The following LTBP1 variants were observed in gnomAD, a reference collection of about 807,000 sequenced individuals.
LTBP1 encodes the protein latent transforming growth factor beta binding protein 1, also known as latent-transforming growth factor beta-binding protein 1.
In LTBP1, 129 loss-of-function variants were observed where a neutral mutation model predicts 207.6. The observed-to-expected ratio is 0.62, with a 90% CI of 0.54 to 0.72. The LOEUF is 0.72. Among genes scored for constraint, LTBP1 ranks in the 30% least tolerant of loss-of-function variants. LTBP1 has a pLI of 0.00. For synonymous variants in LTBP1, 963 were observed against 833.7 expected (o/e 1.16, Z -2.67); for missense variants, 2,281 against 2,217.2 (o/e 1.03, Z -0.58).
chr2:33,168,566 T>G (rs2085139886), intron 5 of LTBP1, among the ~76,000 whole-genome samples: 1 of 152,152 alleles, frequency 6.6e-6, no homozygotes, highest in Admixed American at 6.5e-5. Context: ...CAATCAGTAT[T>G]TGGGATTGTG....
At chr2:33,029,954 A>T (rs2075614869) in intron 3 of LTBP1, among the ~76,000 whole-genome samples, 1 of 152,204 alleles carries the variant, frequency 6.6e-6, no homozygotes, top group Non-Finnish European at 1.5e-5. Context: ...GTCAGTTACC[A>T]ATATAGAGAG....
At chr2:33,032,378 T>C (rs1248031544) in intron 3 of LTBP1, among the ~76,000 whole-genome samples, 2 of 152,236 alleles carry the variant, frequency 1.3e-5, no homozygotes, top group Admixed American at 6.5e-5. Flanking sequence ...CTTTGTTGGC[T>C]TTATAGCTTT....
intron 19 of LTBP1, among the ~76,000 whole-genome samples, chr2:33,287,664 C>T (rs1326854269): frequency 1.3e-5 from 2 of 152,316 alleles, no homozygotes; most frequent in African/African-American, 4.8e-5. Context: ...CTGAGATCAT[C>T]CTTGGCTCTT....
chr2:33,360,461 A>G, intron 26 of LTBP1, 136 bp from the exon 27 acceptor site: 1 of 552,086 alleles, frequency 1.8e-6, no homozygotes. Context: ...AGAATCTGAC[A>G]CTGAAAGTGG....
chr2:33,052,849 C>T (rs1405600441), intron 3 of LTBP1, among the ~76,000 whole-genome samples: 1 of 150,150 alleles, frequency 6.7e-6, no homozygotes, highest in Non-Finnish European at 1.5e-5. Flanking sequence ...CAGGTTGACT[C>T]CCGGATCAAA....
chr2:32,969,447 G>A (rs1680530475), intron 2 of LTBP1, among the ~76,000 whole-genome samples: 2 of 151,928 alleles, frequency 1.3e-5, no homozygotes, highest in African/African-American at 2.4e-5. Context: ...CCCTCACGTA[G>A]GCCCAGTTTT....
chr2:33,296,546 G>T (rs1049323062), intron 20 of LTBP1, among the ~76,000 whole-genome samples: 1 of 152,098 alleles, frequency 6.6e-6, no homozygotes, highest in Non-Finnish European at 1.5e-5. Flanking sequence ...TAGGGGATCA[G>T]ACTCTCTAAT....
intron 7 of LTBP1, among the ~76,000 whole-genome samples, chr2:33,189,550 A>G (rs141657861): frequency 1.3e-5 from 2 of 152,268 alleles, no homozygotes; most frequent in Non-Finnish European, 2.9e-5. Flanking sequence ...TTCAGTTAGG[A>G]TGATCTGTGT....
At chr2:32,972,369 G>T (rs910543084) in intron 2 of LTBP1, among the ~76,000 whole-genome samples, 3 of 150,898 alleles carry the variant, frequency 2.0e-5, no homozygotes, top group Admixed American at 6.6e-5. Flanking sequence ...TGTTTTTCTA[G>T]TTCTTCTAGG....
At chr2:33,180,228 A>T (rs2086479329) in intron 5 of LTBP1, among the ~76,000 whole-genome samples, 1 of 152,184 alleles carries the variant, frequency 6.6e-6, no homozygotes, top group African/African-American at 2.4e-5. Flanking sequence ...GAAGATAGGC[A>T]GTTTTAGAAC....
intron 2 of LTBP1, among the ~76,000 whole-genome samples, chr2:33,008,058 A>C (rs1687168139): frequency 6.6e-6 from 1 of 152,148 alleles, no homozygotes; most frequent in African/African-American, 2.4e-5. Flanking sequence ...ATTTGAAACC[A>C]AGTTTCAGAT....
chr2:33,077,499 A>G (rs1350822974), intron 3 of LTBP1, among the ~76,000 whole-genome samples: 1 of 152,194 alleles, frequency 6.6e-6, no homozygotes, highest in African/African-American at 2.4e-5. Flanking sequence ...GCATCTTCAC[A>G]TGGCCAGAGC....
intron 2 of LTBP1, among the ~76,000 whole-genome samples, chr2:32,959,987 A>G (rs1159571704): frequency 2.0e-5 from 3 of 152,152 alleles, no homozygotes; most frequent in Admixed American, 2.0e-4. Context: ...TGTTCACACC[A>G]TAGCGAGTAG....
intron 11 of LTBP1, among the ~76,000 whole-genome samples, chr2:33,256,723 ACT>A (rs2092863563): frequency 1.3e-5 from 1 of 78,098 alleles, no homozygotes; most frequent in Non-Finnish European, 2.4e-5. Context: ...TGGAGGGCTA[ACT>A]ATATATATAT....
intron 4 of LTBP1, among the ~76,000 whole-genome samples, chr2:33,132,678 A>G (rs1222888360): frequency 6.6e-6 from 1 of 152,182 alleles, no homozygotes. Context: ...TTCAGACAAC[A>G]TGTCTTGATC....
intron 2 of LTBP1, among the ~76,000 whole-genome samples, chr2:32,989,196 A>G (rs1684043241): frequency 6.6e-6 from 1 of 152,242 alleles, no homozygotes; most frequent in African/African-American, 2.4e-5. Context: ...TCAGACAGAT[A>G]TAAAATGAAC....
intron 2 of LTBP1, among the ~76,000 whole-genome samples, chr2:32,990,497 T>A (rs1684238351): frequency 6.6e-6 from 1 of 152,212 alleles, no homozygotes. Flanking sequence ...AACTTCAGAC[T>A]GTTGGGTTGG....
chr2:32,954,551 C>CCG (rs1484455685), intron 2 of LTBP1, among the ~76,000 whole-genome samples: 2 of 150,186 alleles, frequency 1.3e-5, no homozygotes, highest in African/African-American at 4.9e-5. Flanking sequence ...ACTCCCCGCC[C>CCG]CCCCCCACCA....
intron 2 of LTBP1, among the ~76,000 whole-genome samples, chr2:32,965,951 A>G (rs911687931): frequency 2.0e-5 from 3 of 152,230 alleles, no homozygotes; most frequent in African/African-American, 7.2e-5. Flanking sequence ...CCCACCAGCA[A>G]CAAATGAGAG....
Sources: allele counts gnomAD v4.1 joint callset (sites outside exome capture counted in the v4.1 genomes callset), GRCh38; gene constraint gnomAD v4.1.1; transcripts MANE v1.5; gene names NCBI Gene and HGNC (gene_info 2026-07-23, HGNC 2026-07-21).